Variants in NCAM2 observed in about 807,000 individuals in gnomAD.
The protein encoded by NCAM2 is neural cell adhesion molecule 2.
In NCAM2, 30 loss-of-function variants were observed where a neutral mutation model predicts 98.1. The observed-to-expected ratio is 0.31, with a 90% confidence interval of 0.23 to 0.41. The LOEUF (loss-of-function observed/expected upper bound fraction) is 0.41, where lower values mean the gene tolerates loss of function less well. Ranked by LOEUF, NCAM2 falls within the 10% of genes least tolerant of loss-of-function variation. The pLI is 1.00. For synonymous variants in NCAM2, 368 were observed against 342.4 expected (o/e 1.07, Z -0.83); for missense variants, 867 against 1,005.8 (o/e 0.86, Z 1.87).
chr21:21,339,932 G>A (rs1005524703), intron 8 of NCAM2, among the ~76,000 whole-genome samples: 18 of 151,538 alleles, frequency 1.2e-4, no homozygotes, highest in African/African-American at 4.4e-4. Flanking sequence ...ATATATTCAA[G>A]TTGAAAATCA....
At chr21:21,421,348 T>A (rs534726551) in intron 11 of NCAM2, among the ~76,000 whole-genome samples, 1 of 118 alleles carries the variant, frequency 8.5e-3, no homozygotes. Context: ...TAATAAAAAT[T>A]AAAGTTTTCA....
At chr21:21,355,901 T>C (rs2075466498) in intron 8 of NCAM2, among the ~76,000 whole-genome samples, 1 of 152,038 alleles carries the variant, frequency 6.6e-6, no homozygotes, top group Middle Eastern at 3.2e-3. Flanking sequence ...GAACCACTGC[T>C]CCCGGCCTTA....
intron 1 of NCAM2, among the ~76,000 whole-genome samples, chr21:21,033,722 T>C (rs985301987): frequency 2.0e-5 from 3 of 152,082 alleles, no homozygotes; most frequent in Non-Finnish European, 2.9e-5. Flanking sequence ...TCAGAAAGAA[T>C]AGATGGTAGC....
At chr21:21,115,975 GTGTGTGTGT>G (rs1463372151) in intron 1 of NCAM2, among the ~76,000 whole-genome samples, 1 of 138,216 alleles carries the variant, frequency 7.2e-6, no homozygotes, top group Non-Finnish European at 1.5e-5. Context: ...GTGTGTGTGT[GTGTGTGTGT>G]GTGTGTGTCT....
chr21:21,265,058 ATGTG>A (rs2072140336), intron 1 of NCAM2, among the ~76,000 whole-genome samples: 1 of 113,652 alleles, frequency 8.8e-6, no homozygotes, highest in African/African-American at 3.0e-5. Context: ...TATACTATAT[ATGTG>A]TATGTGTATA....
chr21:21,349,676 C>T (rs2075283147), intron 8 of NCAM2, among the ~76,000 whole-genome samples: 1 of 152,092 alleles, frequency 6.6e-6, no homozygotes, highest in Admixed American at 6.6e-5. Context: ...TTGGAAGCAA[C>T]CTAAGTGTCC....
rs2063956920 is a variant in NCAM2 at position 20,998,433 on chromosome 21, CT to C, written c.-130del. 1.3e-5 allele frequency: 10 copies of C among 755,254 alleles called. No homozygotes were observed. The highest frequency in any genetic ancestry group is 4.1e-4 in the Middle Eastern group (1 of 2,432). 46.8% of individuals were successfully genotyped at this position (755,254 alleles called of 1,614,324 possible). A position where few individuals can be genotyped will look rare whatever the true frequency, so the allele number is the denominator to read the frequency against. On this transcript the variant is annotated 5_prime_UTR_variant, in exon 1 of 18. Transcript: ENST00000400546. ...CACTTTGCGAGGAGGAGCGCGCGGGCTGCGGGCGGCTGGGGCACCGCGGGAG... is the reference window on the plus strand; with the variant it reads ...CACTTTGCGAGGAGGAGCGCGCGGGCGCGGGCGGCTGGGGCACCGCGGGAG...
chr21:21,227,386 GA>G (rs2070430027), intron 1 of NCAM2, among the ~76,000 whole-genome samples: 2 of 151,756 alleles, frequency 1.3e-5, no homozygotes, highest in Admixed American at 6.6e-5. Context: ...ATACTTTTTA[GA>G]GTTGTAAATA....
intron 5 of NCAM2, among the ~76,000 whole-genome samples, chr21:21,312,993 A>G (rs890146637): frequency 3.3e-5 from 5 of 151,790 alleles, no homozygotes; most frequent in African/African-American, 1.2e-4. Context: ...CGTATTTTCA[A>G]CATTGATAAG....
At chr21:21,532,778 T>G (rs907858016) in intron 16 of NCAM2, among the ~76,000 whole-genome samples, 2 of 152,114 alleles carry the variant, frequency 1.3e-5, no homozygotes, top group Non-Finnish European at 2.9e-5. Flanking sequence ...TAATGAAAAC[T>G]AACACACAAA....
chr21:21,082,403 C>T (rs1438798488), intron 1 of NCAM2, among the ~76,000 whole-genome samples: 1 of 151,746 alleles, frequency 6.6e-6, no homozygotes, highest in Non-Finnish European at 1.5e-5. Flanking sequence ...ATCTTATGAC[C>T]ATTGCCATAG....
At chr21:21,486,396 T>C (rs1385860193) in intron 15 of NCAM2, among the ~76,000 whole-genome samples, 3 of 150,742 alleles carry the variant, frequency 2.0e-5, no homozygotes, top group African/African-American at 4.9e-5. Flanking sequence ...TATGGAAATA[T>C]AATCCATTTA....
chr21:21,175,920 T>C (rs1463593066), intron 1 of NCAM2, among the ~76,000 whole-genome samples: 1 of 152,190 alleles, frequency 6.6e-6, no homozygotes, highest in African/African-American at 2.4e-5. Context: ...AACCTTTTGT[T>C]TCCTTCCTTG....
At chr21:21,098,638 G>A (rs1310081866) in intron 1 of NCAM2, among the ~76,000 whole-genome samples, 1 of 151,706 alleles carries the variant, frequency 6.6e-6, no homozygotes, top group Non-Finnish European at 1.5e-5. Context: ...AATATATTAA[G>A]CAGTGAAATT....
At chr21:21,434,400 C>CT (rs1339333165) in intron 12 of NCAM2, among the ~76,000 whole-genome samples, 1 of 152,110 alleles carries the variant, frequency 6.6e-6, no homozygotes, top group Non-Finnish European at 1.5e-5. Flanking sequence ...AGTCTTGTGG[C>CT]TAGGGATTTC....
At chr21:21,410,065 G>A (rs184251060) in intron 9 of NCAM2, among the ~76,000 whole-genome samples, 1 of 152,086 alleles carries the variant, frequency 6.6e-6, no homozygotes, top group Non-Finnish European at 1.5e-5. Context: ...CCCAGGAGGC[G>A]GAGCTTGCAG....
chr21:21,474,609 C>A (rs1322702676), intron 14 of NCAM2, among the ~76,000 whole-genome samples: 1 of 151,776 alleles, frequency 6.6e-6, no homozygotes, highest in Non-Finnish European at 1.5e-5. Flanking sequence ...CCAAGTATTT[C>A]CACAAAAATA....
intron 1 of NCAM2, among the ~76,000 whole-genome samples, chr21:21,063,199 A>G (rs920972400): frequency 1.7e-5 from 2 of 119,896 alleles, no homozygotes; most frequent in Admixed American, 8.5e-5. Context: ...AGCACTGTTT[A>G]TCTTTACATT....
At chr21:21,256,171 A>G (rs2071662651) in intron 1 of NCAM2, among the ~76,000 whole-genome samples, 1 of 152,138 alleles carries the variant, frequency 6.6e-6, no homozygotes, top group Non-Finnish European at 1.5e-5. Context: ...CTTGGCCAAC[A>G]TGGCAAAACC....
Sources: allele counts gnomAD v4.1 joint callset (sites outside exome capture counted in the v4.1 genomes callset), GRCh38; gene constraint gnomAD v4.1.1; transcripts MANE v1.5; gene names NCBI Gene and HGNC (gene_info 2026-07-23, HGNC 2026-07-21).